Variants in CPXM2 observed in about 807,000 individuals in gnomAD.
CPXM2 encodes the protein inactive carboxypeptidase-like protein X2.
Under a neutral mutation model 86.1 loss-of-function variants are expected in CPXM2, and 66 were observed. The observed-to-expected ratio is 0.77, with a 90% CI of 0.63 to 0.94. The LOEUF is 0.94. Among genes scored for constraint, CPXM2 ranks in the 40% least tolerant of loss-of-function variants. CPXM2 has a pLI of 0.00. For missense variants in CPXM2, 948 were observed against 1,026.3 expected, an observed-to-expected ratio of 0.92 and a Z score of 1.04; for synonymous variants, 388 against 400.2, an observed-to-expected ratio of 0.97 and a Z score of 0.36.
At chr10:123,880,721 T>C (rs888818882) in intron 1 of CPXM2, among the ~76,000 whole-genome samples, 6 of 145,780 alleles carry the variant, frequency 4.1e-5, no homozygotes, top group South Asian at 2.2e-4. Flanking sequence ...CCCAGCTACT[T>C]GGGAGGCTGA....
chr10:123,768,639 C>A lies in CPXM2; in HGVS notation c.1186G>T (p.Val396Leu). The A allele has an allele frequency of 1.2e-6, 2 of 1,613,740 alleles. No homozygotes were observed. The highest frequency in any genetic ancestry group is 1.7e-6 in the Non-Finnish European group (2 of 1,179,890). Reference sequence around the variant, plus strand: ...TTCCGGGCCAAGTACTCCTGACACACGAACTGCACCAGCAGCAGCAGCAGC... The same window carrying A: ...TTCCGGGCCAAGTACTCCTGACACAAGAACTGCACCAGCAGCAGCAGCAGC... ...RELLLLLVQF[V>L]CQEYLARNAR... is the part of the protein sequence containing the mutation. Residue 396 changes from valine to leucine, a missense_variant, in exon 9 of 14, where the codon GTG (valine) becomes TTG (leucine). Val to Leu is a conservative substitution (Grantham distance 32, BLOSUM62 1). Transcript: ENST00000241305.
intron 1 of CPXM2, among the ~76,000 whole-genome samples, chr10:123,887,481 T>C (rs755287716): frequency 6.6e-6 from 1 of 152,184 alleles, no homozygotes; most frequent in Non-Finnish European, 1.5e-5. Flanking sequence ...GTAAGGCATG[T>C]AATCTAGTTA....
At chr10:123,912,557 G>A (rs1485988500) in intron 2 of CPXM2, among the ~76,000 whole-genome samples, 3 of 152,230 alleles carry the variant, frequency 2.0e-5, no homozygotes, top group Admixed American at 2.0e-4. Context: ...GGTGGCCAGG[G>A]CTTGTTTCCA....
rs201527972 is a variant in CPXM2 at position 123,881,232 on chromosome 10, T to TCTTCCCTTCCCTTCCCTTCCCTTCC, written c.305-948_305-924dup. 3.8e-3 allele frequency among the ~76,000 whole-genome samples: 246 copies of TCTTCCCTTCCCTTCCCTTCCCTTCC among 64,920 alleles called. 21 individuals carry two copies. The highest frequency in any genetic ancestry group is 0.034 in the East Asian group (161 of 4,720). 42.6% of individuals were successfully genotyped at this position (64,920 alleles called of 152,430 possible). On this transcript the variant is annotated intron_variant, in intron 1 of 13. Coordinates refer to ENST00000241305, the MANE Select transcript of CPXM2 (RefSeq NM_198148.3). ...TGTTCCTTCTCCTGGAGCACCCTTC[T>TCTTCCCTTCCCTTCCCTTCCCTTCC]CTTCCCTTCCCTTCCCTTCCCTTCC...
chr10:123,794,044 G>T (rs976110396), intron 6 of CPXM2, among the ~76,000 whole-genome samples: 1 of 152,188 alleles, frequency 6.6e-6, no homozygotes, highest in Admixed American at 6.5e-5. Flanking sequence ...ACATGGGCTG[G>T]GAGGATGTGC....
chr10:123,766,843 T>C, intron 10 of CPXM2, 130 bp downstream of exon 10: 1 of 705,284 alleles, frequency 1.4e-6, no homozygotes, highest in East Asian at 2.6e-5. Context: ...CATACTTCTC[T>C]GCTTTTGGAG....
In CPXM2 at chr10:123,746,884, T is replaced by C. The variant is rs62640888; in HGVS notation, c.2151A>G (p.Thr717=). ...YDMGATRCDF[T]LSKTNMARIR... ...TCCTGGCCATGTTGGTTTTGCTAAG[T>C]GTGAAGTCACACCTTGTGGCCCCCA... is the stretch of plus-strand genomic sequence containing the variant. The change falls in exon 14 of 14, where the codon ACA becomes ACG. Residue 717 remains threonine, a synonymous_variant. Transcript: ENST00000241305. The C allele has an allele frequency of 2.3e-3, 3,653 of 1,614,162 alleles. 80 individuals carry two copies. The African/African-American group carries it at 0.042, about 19-fold the overall frequency.
In CPXM2 at chr10:123,746,695, A is replaced by G; in HGVS notation, c.*69T>C. 7.0e-7 allele frequency: 1 copy of G among 1,430,670 alleles called. No homozygotes were observed. The highest frequency in any genetic ancestry group is 9.7e-7 in the Non-Finnish European group (1 of 1,029,598). 88.6% of individuals were successfully genotyped at this position (1,430,670 alleles called of 1,614,324 possible). A position where few individuals can be genotyped will look rare whatever the true frequency, so the allele number is the denominator to read the frequency against. ...AGAGGAAACAACAGTGAGTGAGTCC[A>G]CTATGGAGCTACTACCAGGTTGGTT... On this transcript the variant is annotated 3_prime_UTR_variant, in exon 14 of 14. Coordinates refer to ENST00000241305, the MANE Select transcript of CPXM2 (RefSeq NM_198148.3).
At chr10:123,789,884 C>T (rs567123473) in intron 6 of CPXM2, among the ~76,000 whole-genome samples, 23 of 152,026 alleles carry the variant, frequency 1.5e-4, no homozygotes, top group Non-Finnish European at 2.9e-4. Flanking sequence ...TTTGGGAGGC[C>T]GAGGCAGGCG....
chr10:123,889,392 C>G (rs1006806645), intron 1 of CPXM2, among the ~76,000 whole-genome samples: 14 of 152,200 alleles, frequency 9.2e-5, no homozygotes, highest in African/African-American at 3.4e-4. Flanking sequence ...ACCTTAACAC[C>G]CCACACTTTT....
At chr10:123,879,651 T>C (rs979302763) in intron 2 of CPXM2, among the ~76,000 whole-genome samples, 4 of 152,168 alleles carry the variant, frequency 2.6e-5, no homozygotes, top group African/African-American at 4.8e-5. Flanking sequence ...ATAATAATAA[T>C]GGTAGTAGTT....
At chr10:123,775,501 A>T (rs1846764150) in intron 7 of CPXM2, among the ~76,000 whole-genome samples, 1 of 152,276 alleles carries the variant, frequency 6.6e-6, no homozygotes, top group Non-Finnish European at 1.5e-5. Flanking sequence ...AGTACTAGAG[A>T]TCACGGCCTT....
At chr10:123,856,921 T>C (rs1231659459) in intron 3 of CPXM2, among the ~76,000 whole-genome samples, 1 of 152,202 alleles carries the variant, frequency 6.6e-6, no homozygotes, top group Non-Finnish European at 1.5e-5. Context: ...TCATTGTCAA[T>C]ATGTTCTCTT....
At chr10:123,880,478 T>C (rs964245079) in intron 1 of CPXM2, among the ~76,000 whole-genome samples, 169 bp from the exon 2 acceptor site, 1 of 152,150 alleles carries the variant, frequency 6.6e-6, no homozygotes, top group Non-Finnish European at 1.5e-5. Flanking sequence ...GGAAAGGAAA[T>C]GTGTTATTAG....
At chr10:123,866,812 G>T (rs28465590) in intron 2 of CPXM2, among the ~76,000 whole-genome samples, 59,768 of 152,142 alleles carry the variant, frequency 0.39, 12,777 homozygotes, top group African/African-American at 0.53. Context: ...CTTTTGTGTG[G>T]CAGAGGCTGC....
chr10:123,880,145 T>TTGGGGGGGCCCC, intron 2 of CPXM2, 66 bp downstream of exon 2: 1 of 407,578 alleles, frequency 2.5e-6, no homozygotes, highest in Non-Finnish European at 4.8e-6. Flanking sequence ...CAGGGGCCTG[T>TTGGGGGGGCCCC]ACCCACCCAC....
rs924367739 is a variant in CPXM2, at chr10:123,887,693, G to A, written c.304+3663C>T. On this transcript the variant is annotated intron_variant, in intron 1 of 13. Transcript: ENST00000241305. ...AGGCAACCCCCTTCCTCCTCTGTTG[G>A]CACGTACACACAACACACACACACA... Among the ~76,000 whole-genome samples, 4 of 151,580 alleles carry A rather than the reference G, an allele frequency of 2.6e-5. No individual in the cohort carries two copies. In the East Asian group the frequency reaches 7.8e-4, roughly 29 times the overall value.
chr10:123,789,165 G>A (rs1439728631), intron 6 of CPXM2, among the ~76,000 whole-genome samples: 2 of 152,146 alleles, frequency 1.3e-5, no homozygotes, highest in African/African-American at 4.8e-5. Flanking sequence ...TGATGACAAG[G>A]TAATTCCTAT....
chr10:123,799,269 A>G, intron 4 of CPXM2, 70 bp from the exon 5 acceptor site: 1 of 1,586,486 alleles, frequency 6.3e-7, no homozygotes, highest in Admixed American at 1.7e-5. Flanking sequence ...AGAGGTTTAG[A>G]AGTGAGGAGA....
Sources: allele counts gnomAD v4.1 joint callset (sites outside exome capture counted in the v4.1 genomes callset), GRCh38; gene constraint gnomAD v4.1.1; transcripts MANE v1.5; gene names NCBI Gene and HGNC (gene_info 2026-07-23, HGNC 2026-07-21).